MLXIPL: variants seen among roughly 807,000 people sequenced by gnomAD.
The protein encoded by MLXIPL is MLX interacting protein like, also known as carbohydrate-responsive element-binding protein.
A neutral mutation model predicts 81.5 loss-of-function variants in MLXIPL; 49 were observed. That is an observed-to-expected ratio of 0.60 (90% CI 0.48 to 0.76). MLXIPL has a LOEUF of 0.76. Among genes scored for constraint, MLXIPL ranks in the 30% least tolerant of loss-of-function variants. The pLI, the probability that MLXIPL is intolerant of heterozygous loss-of-function variation, is 0.00. For synonymous variants in MLXIPL, 466 were observed against 485.5 expected, an observed-to-expected ratio of 0.96 and a Z score of 0.53; for missense variants, 1,053 against 1,167.0, an observed-to-expected ratio of 0.90 and a Z score of 1.42.
intron 15 of MLXIPL, 61 bp from the exon 16 acceptor site, chr7:73,594,464 C>T (rs1486175520): frequency 6.3e-7 from 1 of 1,596,572 alleles, no homozygotes; most frequent in Middle Eastern, 1.7e-4. Flanking sequence ...ACGTGGAGCC[C>T]TGATGCCCAG....
the MLXIPL span, among the ~76,000 whole-genome samples, chr7:73,641,540 C>T: frequency 6.6e-6 from 1 of 152,128 alleles, no homozygotes; most frequent in South Asian, 2.1e-4. Context: ...CCGATAGCCA[C>T]CGTATACCAG....
the MLXIPL span, among the ~76,000 whole-genome samples, chr7:73,635,657 TTCTA>T: frequency 4.0e-5 from 6 of 151,736 alleles, no homozygotes; most frequent in South Asian, 6.3e-4. Context: ...AATCCATCTC[TTCTA>T]TCTATCCATC....
chr7:73,624,660 G>A, upstream of MLXIPL: 1 of 1,290,994 alleles, frequency 7.7e-7, no homozygotes, highest in Non-Finnish European at 9.9e-7. Flanking sequence ...TACGCCAGGT[G>A]AGAACCCGGT....
In MLXIPL at chr7:73,616,958, G is replaced by C. The variant is rs111803992; in HGVS notation, c.294-781C>G. On this transcript the variant is annotated intron_variant, in intron 1 of 16. Transcript: ENST00000313375. ...CAGGAGAGGCAAAGGGGATGGCCATGGTTTGCCTGGTAGAGAGGGAGCCTC... is the reference window on the plus strand; with the variant it reads ...CAGGAGAGGCAAAGGGGATGGCCATCGTTTGCCTGGTAGAGAGGGAGCCTC... 2.8e-3 allele frequency among the ~76,000 whole-genome samples: 419 copies of C among 152,114 alleles called. 2 individuals carry two copies. The highest frequency in any genetic ancestry group is 9.6e-3 in the African/African-American group (398 of 41,540).
rs782232665 is a variant in MLXIPL at position 73,595,854 on chromosome 7, T to C, written c.2174A>G (p.Asn725Ser). 4.4e-6 allele frequency: 7 copies of C among 1,607,762 alleles called. No individual in the cohort carries two copies. The highest frequency in any genetic ancestry group is 4.5e-5 in the East Asian group (2 of 44,602). Reference sequence around the variant, plus strand: ...GGACCCTGCCTACTTAATGGCGGCATTGAGCTCCTCAATCTCATCCCGCAG... The same window carrying C: ...GGACCCTGCCTACTTAATGGCGGCACTGAGCTCCTCAATCTCATCCCGCAG... ...QQLRDEIEEL[N>S]AAINLCQQQL... Residue 725 changes from asparagine (N) to serine (S), a missense_variant, in exon 14 of 17, where the codon AAT (asparagine) becomes AGT (serine). Physicochemically the swap from Asn to Ser is conservative, Grantham distance 46. Around this residue, in one of 3 missense-constraint regions of MLXIPL, gnomAD observed 823 missense variants for 933.0 expected, o/e 0.88. Transcript: ENST00000313375.
At chr7:73,628,063 C>T (rs1400227007), upstream of MLXIPL, among the ~76,000 whole-genome samples, 1 of 152,014 alleles carries the variant, frequency 6.6e-6, no homozygotes, top group South Asian at 2.1e-4. Context: ...CTCAAGCGAC[C>T]CTTCCACCAC....
rs551026243 is a variant in MLXIPL, at chr7:73,599,563, G to A, written c.1034C>T (p.Ser345Leu). ...TLGPEVPPAS[S>L]AMTHLSGHSR... is the part of the protein sequence containing the mutation. Reference sequence around the variant, plus strand: ...GTGTCCAGAGAGGTGGGTCATGGCCGAGGAAGCCGGGGGCACCTCTGGGCC... The same window carrying A: ...GTGTCCAGAGAGGTGGGTCATGGCCAAGGAAGCCGGGGGCACCTCTGGGCC... Residue 345 changes from serine (S) to leucine (L), a missense_variant, in exon 8 of 17, where the codon TCG (serine) becomes TTG (leucine). Around this residue, in one of 3 missense-constraint regions of MLXIPL, gnomAD observed 823 missense variants for 933.0 expected, o/e 0.88. Transcript: ENST00000313375. The A allele has an allele frequency of 1.4e-5, 23 of 1,613,182 alleles. 1 individual carries two copies. The highest frequency in any genetic ancestry group is 4.4e-5 in the South Asian group (4 of 91,028).
At position 73,607,010 on chromosome 7, in the gene MLXIPL, C is replaced by G; in HGVS notation, c.582G>C (p.Lys194Asn). ...CCAGGAGGTCATCTTCCCTGCTGGG[C>G]TTACGGAGCTGCAGGGACACACAGA... ...WRIYYKKRLRKPSREDDLLAP... is the reference protein window; with the variant it reads ...WRIYYKKRLRNPSREDDLLAP... Residue 194 changes from lysine to asparagine, a missense_variant, in exon 5 of 17, where the codon AAG (lysine) becomes AAC (asparagine). This residue lies in a region of MLXIPL where 823 missense variants were observed against 933.0 expected (regional missense o/e 0.88). Transcript: ENST00000313375. The G allele has an allele frequency of 6.2e-7, 1 of 1,613,740 alleles. No homozygotes were observed. Among genetic ancestry groups the G allele is most frequent in the Non-Finnish European group, 8.5e-7 (1 of 1,179,864 alleles).
Position 73,614,167 on chromosome 7 carries a change from A to C in MLXIPL, c.400+1904T>G, listed in dbSNP as rs1795861930. ...GGGAGACGGAGGTTACAGTGAGCCA[A>C]GATCACGCCACTGCACTCCAGCATG... On this transcript the variant is annotated intron_variant, in intron 2 of 16. Transcript: ENST00000313375. Among the ~76,000 whole-genome samples, 7 of 152,140 alleles carry C rather than the reference A, an allele frequency of 4.6e-5. No individual in the cohort carries two copies. The South Asian group carries it at 1.5e-3, about 32-fold the overall frequency.
intron 16 of MLXIPL, 53 bp from the exon 17 acceptor site, chr7:73,594,036 A>T: frequency 1.3e-6 from 2 of 1,530,108 alleles, no homozygotes; most frequent in Non-Finnish European, 1.8e-6. Context: ...TCAGGGCCCT[A>T]CCCTTGGATG....
intron 7 of MLXIPL, among the ~76,000 whole-genome samples, chr7:73,603,544 G>A (rs912511383): frequency 6.6e-6 from 1 of 152,182 alleles, no homozygotes; most frequent in Non-Finnish European, 1.5e-5. Context: ...TCATTCCCTA[G>A]TTCCCGCCCC....
chr7:73,595,802 A>C, intron 14 of MLXIPL, 40 bp downstream of exon 14: 3 of 1,582,876 alleles, frequency 1.9e-6, no homozygotes, highest in Middle Eastern at 1.7e-4. Context: ...GTAAGGCGGC[A>C]TGGCCCCCTG....
chr7:73,630,759 G>C, the MLXIPL span, among the ~76,000 whole-genome samples: 2 of 152,108 alleles, frequency 1.3e-5, no homozygotes, highest in African/African-American at 2.4e-5. Context: ...AGGAGGATGT[G>C]GTACGAGCAG....
intron 5 of MLXIPL, 56 bp from the exon 6 acceptor site, chr7:73,606,167 C>G: frequency 6.6e-7 from 1 of 1,517,910 alleles, no homozygotes; most frequent in Non-Finnish European, 8.9e-7. Flanking sequence ...CCCGATCTTC[C>G]ATATCACCCC....
rs1328050042 is a variant in MLXIPL, at chr7:73,598,029, A to G, written c.1072-316T>C. Among the ~76,000 whole-genome samples the G allele has an allele frequency of 3.3e-5, 5 of 152,080 alleles. No individual in the cohort carries two copies. The East Asian group carries it at 7.7e-4, about 24-fold the overall frequency. On this transcript the variant is annotated intron_variant, in intron 8 of 16. Coordinates refer to ENST00000313375, the MANE Select transcript of MLXIPL (RefSeq NM_032951.3). ...CATCCATCCACTAACTTGTCCACCA[A>G]TCCATCCACCAACCAACTCACCCAT...
intron 2 of MLXIPL, chr7:73,609,340 G>A (rs1415904509): frequency 6.6e-6 from 1 of 150,910 alleles, no homozygotes; most frequent in Non-Finnish European, 1.5e-5. Context: ...CACCTCCCGG[G>A]TTCAAGCGAT....
At chr7:73,624,544 A>G, upstream of MLXIPL, 5 of 1,484,276 alleles carry the variant, frequency 3.4e-6, no homozygotes, top group Non-Finnish European at 4.4e-6. Context: ...CGCGGGGAAC[A>G]GCTCTTGGCC....
chr7:73,615,954 G>T, intron 2 of MLXIPL, 117 bp downstream of exon 2: 2 of 716,268 alleles, frequency 2.8e-6, no homozygotes, highest in Non-Finnish European at 2.5e-6. Context: ...AACTCTGCTA[G>T]TGCTGGCCTT....
At chr7:73,629,564 C>T in the MLXIPL span, among the ~76,000 whole-genome samples, 2 of 152,082 alleles carry the variant, frequency 1.3e-5, no homozygotes, top group South Asian at 2.1e-4. Context: ...AAGACTCTGT[C>T]TCTACAAAAA....
Sources: allele counts gnomAD v4.1 joint callset (sites outside exome capture counted in the v4.1 genomes callset), GRCh38; gene constraint gnomAD v4.1.1; regional missense constraint gnomAD v4.1.1; transcripts MANE v1.5; gene names NCBI Gene and HGNC (gene_info 2026-07-23, HGNC 2026-07-21).